Variants in AGTPBP1 observed in about 807,000 individuals in gnomAD.
AGTPBP1 encodes cytosolic carboxypeptidase 1.
Under a neutral mutation model 143.9 loss-of-function variants are expected in AGTPBP1, and 70 were observed. The ratio of observed to expected loss-of-function variants is 0.49; its 90% CI spans 0.40 to 0.59. AGTPBP1 has a LOEUF of 0.59. Among genes scored for constraint, AGTPBP1 ranks in the 20% least tolerant of loss-of-function variants. The probability of loss-of-function intolerance (pLI) is 0.00; values close to 1 mark genes in which losing one functional copy is unlikely to be tolerated. For missense variants in AGTPBP1, 1,229 were observed against 1,464.5 expected (o/e 0.84, Z 2.62); for synonymous variants, 463 against 500.2 (o/e 0.93, Z 0.99).
intron 17 of AGTPBP1, among the ~76,000 whole-genome samples, chr9:85,597,792 T>C (rs766119055): frequency 6.9e-6 from 1 of 144,834 alleles, no homozygotes; most frequent in African/African-American, 2.7e-5. Flanking sequence ...ATGCAATAAA[T>C]TATGTTGACA....
intron 1 of AGTPBP1, among the ~76,000 whole-genome samples, chr9:85,740,104 T>C (rs1824144688): frequency 6.6e-6 from 1 of 152,222 alleles, no homozygotes; most frequent in Non-Finnish European, 1.5e-5. Context: ...TATAGCAGCC[T>C]AGCCAGACTT....
At chr9:85,637,090 G>A (rs1330009349) in intron 13 of AGTPBP1, among the ~76,000 whole-genome samples, 2 of 148,804 alleles carry the variant, frequency 1.3e-5, no homozygotes, top group African/African-American at 2.5e-5. Context: ...TGCCCAGGCT[G>A]GAGTGCAATG....
chr9:85,575,535 T>A lies in AGTPBP1; in HGVS notation c.3343-60A>T, dbSNP rs923023552. The A allele has an allele frequency of 1.9e-5, 26 of 1,361,610 alleles. No individual in the cohort carries two copies. In the African/African-American group the frequency reaches 3.8e-4, roughly 20 times the overall value. The allele number at this position is 1,361,610 out of a possible 1,614,324, so 84.3% of individuals were successfully genotyped here. On this transcript the variant is annotated intron_variant, in intron 24 of 25. Transcript: ENST00000357081. ...AAGTTTGCTATCTTCTGGATACAGC[T>A]CAATGAAATTATATAAAAAGAATTT...
the AGTPBP1 span, among the ~76,000 whole-genome samples, chr9:85,772,204 G>A: frequency 6.6e-6 from 1 of 151,416 alleles, no homozygotes; most frequent in Non-Finnish European, 1.5e-5. Context: ...TCAAACTCCT[G>A]ACCTCGTGAT....
At chr9:85,564,298 A>G (rs769684373) in intron 25 of AGTPBP1, among the ~76,000 whole-genome samples, 1 of 152,224 alleles carries the variant, frequency 6.6e-6, no homozygotes, top group African/African-American at 2.4e-5. Context: ...ATGCTCAAGA[A>G]TTGTCACTTC....
chr9:85,608,021 G>A (rs1048612253), intron 17 of AGTPBP1, among the ~76,000 whole-genome samples: 9 of 151,908 alleles, frequency 5.9e-5, no homozygotes, highest in African/African-American at 2.2e-4. Flanking sequence ...AACCAAAGAA[G>A]AAATAAATAA....
chr9:85,652,538 C>CA (rs1833233517), intron 11 of AGTPBP1, among the ~76,000 whole-genome samples: 1 of 152,036 alleles, frequency 6.6e-6, no homozygotes, highest in East Asian at 1.9e-4. Context: ...ACACACCACT[C>CA]AGAGTTTCTG....
At chr9:85,581,135 C>T (rs1379782659) in intron 23 of AGTPBP1, among the ~76,000 whole-genome samples, 1 of 152,108 alleles carries the variant, frequency 6.6e-6, no homozygotes, top group Non-Finnish European at 1.5e-5. Flanking sequence ...AGAGAGGGCA[C>T]CCAGAAAGAA....
In AGTPBP1 at chr9:85,633,269, CAG is replaced by C; in HGVS notation, c.1406_1407del (p.Ser469TrpfsTer15). On this transcript the variant is annotated frameshift_variant, in exon 14 of 26. Coordinates refer to ENST00000357081, the MANE Select transcript of AGTPBP1 (RefSeq NM_001330701.2). LOFTEE classifies it high-confidence loss of function. The stretch of plus-strand genomic sequence containing the variant: ...TTCATTACAACTTTTCTTAAATTGC[CAG>C]AATTCCCAGATGTTTCCTCGCCTGC... The part of the protein sequence containing the change: ...PTAGEETSGN[S>X]GNLRKVVMKE... 1 of 1,613,970 alleles carries C rather than the reference CAG, an allele frequency of 6.2e-7. No homozygotes were observed. The highest frequency in any genetic ancestry group is 8.5e-7 in the Non-Finnish European group (1 of 1,179,988).
intron 1 of AGTPBP1, among the ~76,000 whole-genome samples, chr9:85,724,286 CAAA>C (rs56269636): frequency 2.6e-4 from 20 of 77,776 alleles, no homozygotes; most frequent in South Asian, 7.3e-4. Context: ...GACTTTGTCT[CAAA>C]AAAAAAAAAA....
intron 25 of AGTPBP1, among the ~76,000 whole-genome samples, chr9:85,572,259 CT>C (rs1024710783): frequency 1.3e-4 from 20 of 151,894 alleles, no homozygotes; most frequent in African/African-American, 4.4e-4. Context: ...AACTCCTGGC[CT>C]GACCTCAAGT....
chr9:85,681,820 G>T (rs1057374077), intron 3 of AGTPBP1, among the ~76,000 whole-genome samples: 1 of 130,132 alleles, frequency 7.7e-6, no homozygotes, highest in Non-Finnish European at 1.5e-5. Context: ...CGCAATCTCC[G>T]CTCACTACAA....
intron 18 of AGTPBP1, among the ~76,000 whole-genome samples, chr9:85,595,716 A>G (rs62566901): frequency 0.017 from 2,521 of 152,102 alleles, 30 homozygotes; most frequent in Middle Eastern, 0.054. Context: ...TGGTACAGAC[A>G]GGGTTTCACC....
At chr9:85,747,294 G>A in the AGTPBP1 span, among the ~76,000 whole-genome samples, 1 of 152,182 alleles carries the variant, frequency 6.6e-6, no homozygotes, top group Non-Finnish European at 1.5e-5. Context: ...ATTAAGTCTT[G>A]AAATCAGGAA....
intron 13 of AGTPBP1, among the ~76,000 whole-genome samples, chr9:85,634,946 T>C (rs548500103): frequency 2.8e-4 from 43 of 152,248 alleles, no homozygotes; most frequent in African/African-American, 8.7e-4. Flanking sequence ...TTCGATACTA[T>C]GGTTTTTTAA....
the AGTPBP1 span, among the ~76,000 whole-genome samples, chr9:85,772,778 A>C: frequency 5.2e-4 from 79 of 152,144 alleles, no homozygotes; most frequent in African/African-American, 1.8e-3. Flanking sequence ...CAACAAAACA[A>C]CCAAACTGTC....
chr9:85,619,784 G>C (rs1361997970), intron 15 of AGTPBP1, among the ~76,000 whole-genome samples: 1 of 152,054 alleles, frequency 6.6e-6, no homozygotes, highest in East Asian at 1.9e-4. Flanking sequence ...TATCTACTAG[G>C]TGCCAGATAC....
At chr9:85,757,239 G>A in the AGTPBP1 span, among the ~76,000 whole-genome samples, 7 of 152,052 alleles carry the variant, frequency 4.6e-5, no homozygotes, top group African/African-American at 1.7e-4. Flanking sequence ...GCTAATTTTT[G>A]TATTTTTAGT....
chr9:85,726,250 CA>C (rs1399175945), intron 1 of AGTPBP1, among the ~76,000 whole-genome samples: 1 of 146,010 alleles, frequency 6.8e-6, no homozygotes, highest in Non-Finnish European at 1.5e-5. Flanking sequence ...AAACAAAAAA[CA>C]AAAAAAAAGA....
Sources: allele counts gnomAD v4.1 joint callset (sites outside exome capture counted in the v4.1 genomes callset), GRCh38; gene constraint gnomAD v4.1.1; transcripts MANE v1.5; gene names NCBI Gene and HGNC (gene_info 2026-07-23, HGNC 2026-07-21).